Variants in SHISA9 observed in about 807,000 individuals in gnomAD.
SHISA9 encodes protein shisa-9.
SHISA9 carries 13 observed loss-of-function variants against 38.0 expected under a neutral mutation model. That is an observed-to-expected ratio of 0.34 (90% CI 0.22 to 0.54). SHISA9 has a LOEUF of 0.54. Among genes scored for constraint, SHISA9 ranks in the 20% least tolerant of loss-of-function variants. The pLI, the probability that SHISA9 is intolerant of heterozygous loss-of-function variation, is 0.91. For missense variants in SHISA9, 538 were observed against 575.8 expected, an observed-to-expected ratio of 0.93 and a Z score of 0.67; for synonymous variants, 275 against 242.0, an observed-to-expected ratio of 1.14 and a Z score of -1.27.
At chr16:13,250,207 T>G in the SHISA9 span, among the ~76,000 whole-genome samples, 2 of 152,216 alleles carry the variant, frequency 1.3e-5, no homozygotes, top group Non-Finnish European at 2.9e-5. Context: ...GGAATTCAAC[T>G]GGACCCAGAC....
chr16:13,122,294 G>T (rs982790194), intron 2 of SHISA9, among the ~76,000 whole-genome samples: 1 of 152,110 alleles, frequency 6.6e-6, no homozygotes, highest in African/African-American at 2.4e-5. Flanking sequence ...GTCCTCTTCT[G>T]ATATCCCTTT....
At chr16:13,092,631 G>T (rs1322706485) in intron 2 of SHISA9, among the ~76,000 whole-genome samples, 3 of 152,270 alleles carry the variant, frequency 2.0e-5, no homozygotes, top group African/African-American at 7.2e-5. Context: ...GCCAAGCCAG[G>T]CACAGGAGAG....
chr16:13,199,063 T>G (rs937878956), intron 2 of SHISA9, among the ~76,000 whole-genome samples: 1 of 152,226 alleles, frequency 6.6e-6, no homozygotes, highest in African/African-American at 2.4e-5. Context: ...GTGAGGAACA[T>G]CTCTGTAGAA....
chr16:13,152,665 G>A (rs2050509593), intron 2 of SHISA9, among the ~76,000 whole-genome samples: 1 of 152,122 alleles, frequency 6.6e-6, no homozygotes, highest in Non-Finnish European at 1.5e-5. Context: ...GTCCAGTCAT[G>A]TGCCAGGCAA....
chr16:13,469,317 AG>A, the SHISA9 span, among the ~76,000 whole-genome samples: 668 of 80,774 alleles, frequency 8.3e-3, 20 homozygotes, highest in Middle Eastern at 0.026. Context: ...AGAGAGAGAG[AG>A]AGAGAAAGAA....
chr16:13,356,997 C>T, the SHISA9 span, among the ~76,000 whole-genome samples: 1 of 152,020 alleles, frequency 6.6e-6, no homozygotes, highest in African/African-American at 2.4e-5. Flanking sequence ...TTTGAGAACA[C>T]AGGCTAAGGG....
the SHISA9 span, among the ~76,000 whole-genome samples, chr16:13,530,346 G>A: frequency 6.6e-6 from 1 of 152,086 alleles, no homozygotes; most frequent in Admixed American, 6.5e-5. Flanking sequence ...TACCAGCTCT[G>A]TGTCCTTAGG....
chr16:13,019,938 T>TTTC (rs2072824779), intron 2 of SHISA9, among the ~76,000 whole-genome samples: 1 of 100,894 alleles, frequency 9.9e-6, no homozygotes, highest in Non-Finnish European at 2.2e-5. Flanking sequence ...TTTCTTTCTT[T>TTTC]CTTTCTTTCT....
chr16:13,476,982 A>C, the SHISA9 span, among the ~76,000 whole-genome samples: 1 of 151,678 alleles, frequency 6.6e-6, no homozygotes, highest in Non-Finnish European at 1.5e-5. Context: ...TCCTGACCTC[A>C]TTATCTGCCC....
intron 2 of SHISA9, among the ~76,000 whole-genome samples, chr16:12,945,990 C>T (rs2071683875): frequency 1.3e-5 from 2 of 152,182 alleles, no homozygotes; most frequent in Admixed American, 6.5e-5. Context: ...CACCTGTAAT[C>T]CTAGCTACTT....
intron 2 of SHISA9, among the ~76,000 whole-genome samples, chr16:13,174,706 C>T (rs369853607): frequency 2.2e-4 from 34 of 152,176 alleles, no homozygotes; most frequent in African/African-American, 6.3e-4. Flanking sequence ...AGAGGGAAGA[C>T]GCTGGTTTTG....
the SHISA9 span, among the ~76,000 whole-genome samples, chr16:13,533,145 CCCCA>C: frequency 1.3e-5 from 2 of 152,092 alleles, no homozygotes; most frequent in Admixed American, 6.5e-5. Context: ...ATCCATGGTC[CCCCA>C]TGACTACCTC....
intron 2 of SHISA9, among the ~76,000 whole-genome samples, chr16:12,981,389 C>A (rs1202373797): frequency 6.6e-6 from 1 of 152,232 alleles, no homozygotes; most frequent in Admixed American, 6.5e-5. Context: ...CAGAGCCATA[C>A]TCCTTCAACC....
At chr16:13,441,023 A>C in the SHISA9 span, among the ~76,000 whole-genome samples, 1 of 152,208 alleles carries the variant, frequency 6.6e-6, no homozygotes. Flanking sequence ...TAATGAGAGC[A>C]AGAGGTGGGG....
chr16:13,498,061 TAAAAC>T, the SHISA9 span, among the ~76,000 whole-genome samples: 2 of 151,564 alleles, frequency 1.3e-5, no homozygotes, highest in East Asian at 2.0e-4. Flanking sequence ...ACAAACAAAA[TAAAAC>T]AACAAATTAA....
At chr16:13,374,940 G>A in the SHISA9 span, among the ~76,000 whole-genome samples, 1 of 152,160 alleles carries the variant, frequency 6.6e-6, no homozygotes, top group Non-Finnish European at 1.5e-5. Context: ...TTTTTCATGT[G>A]TCTGTTGGCT....
Position 13,063,997 on chromosome 16 carries a change from G to A in SHISA9, c.692-139397G>A, listed in dbSNP as rs866701397. Among the ~76,000 whole-genome samples the A allele has an allele frequency of 3.9e-5, 6 of 152,294 alleles. No individual in the cohort carries two copies. The South Asian group carries it at 6.2e-4, about 16-fold the overall frequency. ...CCAGGCCTAAGCAGGCTTTGTGTTG[G>A]CACCAGAGGCCCGTGGCTCTTCTGT... On this transcript the variant is annotated intron_variant, in intron 2 of 4. Transcript: ENST00000558583.
intron 1 of SHISA9, chr16:12,908,512 G>C (rs1163054695): frequency 1.9e-6 from 3 of 1,552,094 alleles, no homozygotes; most frequent in African/African-American, 2.7e-5. Flanking sequence ...TGGAGGCACA[G>C]ATTTCTTTCC....
the SHISA9 span, among the ~76,000 whole-genome samples, chr16:13,471,212 G>A: frequency 6.6e-6 from 1 of 152,068 alleles, no homozygotes; most frequent in Non-Finnish European, 1.5e-5. Context: ...CCCTTAATAT[G>A]GGGCTGACAG....
Sources: gnomAD v4.1 joint callset for allele counts (sites outside exome capture counted in the v4.1 genomes callset) on GRCh38, gnomAD v4.1.1 for gene constraint, MANE v1.5 for transcripts, NCBI Gene and HGNC (gene_info 2026-07-23, HGNC 2026-07-21) for gene names.